Variants in PRKN observed in about 807,000 individuals in gnomAD.
PRKN encodes parkin RBR E3 ubiquitin protein ligase.
In PRKN, 56 loss-of-function variants were observed where a neutral mutation model predicts 59.5. That is an observed-to-expected ratio of 0.94 (90% CI 0.76 to 1.18). PRKN has a LOEUF of 1.18. Ranked by LOEUF, PRKN falls within the 50% of genes most tolerant of loss-of-function variation. The probability of loss-of-function intolerance (pLI) is 0.00; values close to 1 mark genes in which losing one functional copy is unlikely to be tolerated. For synonymous variants in PRKN, 250 were observed against 222.1 expected, an observed-to-expected ratio of 1.13 and a Z score of -1.12; for missense variants, 657 against 596.4, an observed-to-expected ratio of 1.10 and a Z score of -1.06.
At chr6:161,996,837 C>G (rs1422493893) in intron 5 of PRKN, among the ~76,000 whole-genome samples, 2 of 151,146 alleles carry the variant, frequency 1.3e-5, no homozygotes, top group African/African-American at 2.5e-5. Context: ...AGGGGAAAAA[C>G]GTTTTATTTT....
At chr6:161,871,975 C>G (rs1046334774) in intron 6 of PRKN, among the ~76,000 whole-genome samples, 1 of 152,170 alleles carries the variant, frequency 6.6e-6, no homozygotes, top group Non-Finnish European at 1.5e-5. Context: ...TCACAGAAAC[C>G]TATAAAATAG....
intron 1 of PRKN, among the ~76,000 whole-genome samples, chr6:162,652,062 T>C (rs748497374): frequency 4.6e-5 from 7 of 152,210 alleles, no homozygotes; most frequent in South Asian, 2.1e-4. Flanking sequence ...CTATGACTTG[T>C]AGAATGCTCA....
rs1383166531 is a variant in PRKN, at chr6:161,467,742, A to G, written c.1084-80865T>C. Reference sequence around the variant, plus strand: ...GTAACAGAACACCAACTATGTGCCCAGCAAAATTCTACTTTTCCAGCCTTG... The same window carrying G: ...GTAACAGAACACCAACTATGTGCCCGGCAAAATTCTACTTTTCCAGCCTTG... On this transcript the variant is annotated intron_variant, in intron 9 of 11. Coordinates refer to ENST00000366898, the MANE Select transcript of PRKN (RefSeq NM_004562.3). The surrounding 1 kb of genome is among the most constrained non-coding windows in gnomAD (Gnocchi z 4.3). Among the ~76,000 whole-genome samples the G allele has an allele frequency of 6.6e-6, 1 of 152,156 alleles. No individual in the cohort carries two copies. The highest frequency in any genetic ancestry group is 1.5e-5 in the Non-Finnish European group (1 of 68,032).
chr6:162,084,021 T>C (rs1779161349), intron 4 of PRKN, among the ~76,000 whole-genome samples: 1 of 152,068 alleles, frequency 6.6e-6, no homozygotes, highest in Non-Finnish European at 1.5e-5. Context: ...TTAGAAAGAA[T>C]TGAAATACAC....
chr6:161,607,493 G>C (rs1583285401), intron 7 of PRKN, among the ~76,000 whole-genome samples: 2 of 151,982 alleles, frequency 1.3e-5, no homozygotes, highest in South Asian at 4.2e-4. Flanking sequence ...ATGGTATAAA[G>C]AAAAAATATT....
At position 162,506,372 on chromosome 6, in the gene PRKN, T is replaced by G. The variant is rs534244872; in HGVS notation, c.8-62899A>C. ...GAAAGGATCATGTGGTAGAGAAATG[T>G]CTAGCAAGCTAAAGACTGAGAAGAG... is the stretch of plus-strand genomic sequence containing the variant. On this transcript the variant is annotated intron_variant, in intron 1 of 11. Coordinates refer to ENST00000366898, the MANE Select transcript of PRKN (RefSeq NM_004562.3). Among the ~76,000 whole-genome samples, 18 of 151,908 alleles carry G rather than the reference T, an allele frequency of 1.2e-4. No individual in the cohort carries two copies. In the South Asian group the frequency reaches 3.7e-3, roughly 32 times the overall value.
intron 1 of PRKN, among the ~76,000 whole-genome samples, chr6:162,535,500 GGT>G (rs1250950370): frequency 6.6e-6 from 1 of 151,766 alleles, no homozygotes; most frequent in South Asian, 2.1e-4. Context: ...ATGAATAGAT[GGT>G]GTGTGTGTGT....
chr6:162,684,886 A>G (rs1413117959), intron 1 of PRKN, among the ~76,000 whole-genome samples: 1 of 152,200 alleles, frequency 6.6e-6, no homozygotes, highest in East Asian at 1.9e-4. Context: ...TCATTTAACT[A>G]AAAGGTGTTG....
At position 161,527,567 on chromosome 6, in the gene PRKN, G is replaced by A. The variant is rs1479993765; in HGVS notation, c.1083+21287C>T. Among the ~76,000 whole-genome samples the A allele has an allele frequency of 6.6e-6, 1 of 152,198 alleles. No individual in the cohort carries two copies. The highest frequency in any genetic ancestry group is 1.5e-5 in the Non-Finnish European group (1 of 68,046). On this transcript the variant is annotated intron_variant, in intron 9 of 11. Coordinates refer to ENST00000366898, the MANE Select transcript of PRKN (RefSeq NM_004562.3). The surrounding 1 kb of genome is among the most constrained non-coding windows in gnomAD (Gnocchi z 4.6). The stretch of plus-strand genomic sequence containing the variant: ...CCTCTCTCTGCCTGAGGGGTGGAGT[G>A]AGGAACATCTGCCCATGGGTAGTAG...
intron 4 of PRKN, among the ~76,000 whole-genome samples, chr6:162,067,344 G>A (rs1252151576): frequency 2.6e-5 from 4 of 152,012 alleles, no homozygotes; most frequent in Non-Finnish European, 5.9e-5. Context: ...AAAATCAATG[G>A]AGCACACAAA....
At chr6:162,470,963 G>A (rs1260597524) in intron 1 of PRKN, among the ~76,000 whole-genome samples, 1 of 152,002 alleles carries the variant, frequency 6.6e-6, no homozygotes, top group African/African-American at 2.4e-5. Flanking sequence ...GTTTCACCAT[G>A]TTGGCCAGAA....
rs398003250 is a variant in PRKN, at chr6:162,647,949, C to CAAAAAAAAAAAAAAAAAAAAAAAA, written c.7+79689_7+79712dup. Among the ~76,000 whole-genome samples the CAAAAAAAAAAAAAAAAAAAAAAAA allele has an allele frequency of 9.3e-5, 7 of 75,650 alleles. 2 individuals carry two copies. The highest frequency in any genetic ancestry group is 1.1e-4 in the African/African-American group (2 of 17,958). 49.6% of individuals were successfully genotyped at this position (75,650 alleles called of 152,430 possible). A position where few individuals can be genotyped will look rare whatever the true frequency, so the allele number is the denominator to read the frequency against. On this transcript the variant is annotated intron_variant, in intron 1 of 11. Coordinates refer to ENST00000366898, the MANE Select transcript of PRKN (RefSeq NM_004562.3). ...GAACCATCTCTATATGTCCACAGTG[C>CAAAAAAAAAAAAAAAAAAAAAAAA]AAAAAAAAAAAAAAAAAAAAAAAAA... is the stretch of plus-strand genomic sequence containing the variant.
chr6:161,645,243 C>CAAAAAAA (rs11343414), intron 7 of PRKN, among the ~76,000 whole-genome samples: 1 of 133,966 alleles, frequency 7.5e-6, no homozygotes. Context: ...AATAAATAGC[C>CAAAAAAA]AAAAAAAAAA....
chr6:162,675,526 T>C (rs1273526783), intron 1 of PRKN, among the ~76,000 whole-genome samples: 1 of 152,030 alleles, frequency 6.6e-6, no homozygotes, highest in African/African-American at 2.4e-5. Flanking sequence ...GCATTTGAAG[T>C]CAGAAGGAAA....
intron 6 of PRKN, among the ~76,000 whole-genome samples, chr6:161,807,329 A>G (rs1305427464): frequency 1.3e-5 from 2 of 152,220 alleles, no homozygotes; most frequent in African/African-American, 2.4e-5. Context: ...ACACAAAGAT[A>G]CACGCACACA....
rs1235014790 is a variant in PRKN at position 161,467,572 on chromosome 6, G to A, written c.1084-80695C>T. 6.6e-6 allele frequency among the ~76,000 whole-genome samples: 1 copy of A among 152,186 alleles called. No individual in the cohort carries two copies. The highest frequency in any genetic ancestry group is 1.5e-5 in the Non-Finnish European group (1 of 68,024). ...GAAACATGCAGATTGCTATGGGAAT[G>A]CAGGTTGAGAGGTGCTGAGCCTAAA... On this transcript the variant is annotated intron_variant, in intron 9 of 11. Transcript: ENST00000366898. The surrounding 1 kb of genome is among the most constrained non-coding windows in gnomAD (Gnocchi z 4.3).
intron 9 of PRKN, among the ~76,000 whole-genome samples, chr6:161,513,333 C>G (rs565367209): frequency 1.3e-5 from 2 of 152,104 alleles, no homozygotes; most frequent in Admixed American, 1.3e-4. Context: ...CTCCGCCCCC[C>G]GGGTTCAAGT....
At position 161,410,394 on chromosome 6, in the gene PRKN, C is replaced by T. The variant is rs944062182; in HGVS notation, c.1084-23517G>A. Among the ~76,000 whole-genome samples the T allele has an allele frequency of 3.9e-5, 6 of 152,086 alleles. No individual in the cohort carries two copies. The highest frequency in any genetic ancestry group is 5.9e-5 in the Non-Finnish European group (4 of 68,030). On this transcript the variant is annotated intron_variant, in intron 9 of 11. Transcript: ENST00000366898. This position sits in a 1 kb window ranked among gnomAD's most constrained non-coding sequence, Gnocchi z 5.3. ...GTCCTTTCCTGGCCTGGGGGAAGCA[C>T]GTACAATCCCTGAGCTATGAACAGT...
chr6:162,025,582 G>GTTTTT (rs1562468782), intron 5 of PRKN, among the ~76,000 whole-genome samples: 2 of 30,156 alleles, frequency 6.6e-5, no homozygotes, highest in African/African-American at 4.4e-4. Flanking sequence ...TATCCATGGT[G>GTTTTT]CTTTTTTTTT....
Sources: allele counts gnomAD v4.1 joint callset (sites outside exome capture counted in the v4.1 genomes callset), GRCh38; gene constraint gnomAD v4.1.1; non-coding constraint Gnocchi (gnomAD v3.1); transcripts MANE v1.5; gene names NCBI Gene and HGNC (gene_info 2026-07-23, HGNC 2026-07-21).